GALNTL6: variants seen among roughly 807,000 people sequenced by gnomAD.
The protein encoded by GALNTL6 is polypeptide N-acetylgalactosaminyltransferase-like 6.
A neutral mutation model predicts 73.7 loss-of-function variants in GALNTL6; 46 were observed. The ratio of observed to expected loss-of-function variants is 0.62; its 90% CI spans 0.49 to 0.80. GALNTL6 has a LOEUF of 0.80. Ranked by LOEUF, GALNTL6 falls within the 30% of genes least tolerant of loss-of-function variation. The pLI, the probability that GALNTL6 is intolerant of heterozygous loss-of-function variation, is 0.00. For synonymous variants in GALNTL6, 259 were observed against 263.7 expected (o/e 0.98, Z 0.17); for missense variants, 604 against 755.0 (o/e 0.80, Z 2.34).
chr4:172,310,993 A>G (rs1046810308), intron 3 of GALNTL6, among the ~76,000 whole-genome samples: 17 of 152,128 alleles, frequency 1.1e-4, no homozygotes, highest in Non-Finnish European at 2.2e-4. Context: ...GAAATTATTA[A>G]TTCATAGTAA....
At chr4:172,886,103 G>A (rs557807603) in intron 8 of GALNTL6, among the ~76,000 whole-genome samples, 1 of 152,268 alleles carries the variant, frequency 6.6e-6, no homozygotes, top group East Asian at 1.9e-4. Context: ...TTTTGAAATA[G>A]TTTCAGTAGA....
At chr4:171,852,530 ATATAGCTTTCTT>A (rs1490551657) in intron 2 of GALNTL6, among the ~76,000 whole-genome samples, 2 of 151,456 alleles carry the variant, frequency 1.3e-5, no homozygotes, top group South Asian at 4.2e-4. Context: ...ATATATATAT[ATATAGCTTTCTT>A]TATATAGCTT....
rs556103362 is a variant in GALNTL6 at position 171,848,915 on chromosome 4, G to T, written c.138+34197G>T. 4.6e-5 allele frequency among the ~76,000 whole-genome samples: 7 copies of T among 151,960 alleles called. No homozygotes were observed. The South Asian group carries it at 8.3e-4, about 18-fold the overall frequency. ...AGTAGCACTTTTTAATTTGTGTCAAGAACTTTTCCCTTTTTTTTTTAATTT... is the reference window on the plus strand; with the variant it reads ...AGTAGCACTTTTTAATTTGTGTCAATAACTTTTCCCTTTTTTTTTTAATTT... On this transcript the variant is annotated intron_variant, in intron 2 of 12. Transcript: ENST00000506823.
chr4:172,901,839 G>A (rs1479517602), intron 8 of GALNTL6, among the ~76,000 whole-genome samples: 2 of 152,120 alleles, frequency 1.3e-5, no homozygotes, highest in East Asian at 1.9e-4. Flanking sequence ...CGTCTACCCT[G>A]TAGAATTTTC....
intron 3 of GALNTL6, among the ~76,000 whole-genome samples, chr4:172,295,176 C>T (rs764991175): frequency 2.6e-5 from 4 of 152,122 alleles, no homozygotes; most frequent in Non-Finnish European, 5.9e-5. Context: ...AATGCCAGCA[C>T]TTTGGGAGGC....
intron 5 of GALNTL6, among the ~76,000 whole-genome samples, chr4:172,489,447 AT>A (rs1733818812): frequency 6.6e-6 from 1 of 152,256 alleles, no homozygotes; most frequent in African/African-American, 2.4e-5. Flanking sequence ...TGTTATATAT[AT>A]TCTACATATA....
chr4:172,763,158 G>T (rs1361008224), intron 5 of GALNTL6, among the ~76,000 whole-genome samples: 1 of 151,294 alleles, frequency 6.6e-6, no homozygotes, highest in Non-Finnish European at 1.5e-5. Context: ...GTGTCTTACA[G>T]TCTAAAGACA....
intron 6 of GALNTL6, among the ~76,000 whole-genome samples, chr4:172,810,851 A>C (rs905508225): frequency 2.6e-5 from 4 of 152,136 alleles, no homozygotes; most frequent in Admixed American, 2.6e-4. Context: ...ACAGAATTTG[A>C]CCTATATGGT....
intron 4 of GALNTL6, among the ~76,000 whole-genome samples, chr4:172,327,198 G>T (rs528880681): frequency 2.0e-4 from 31 of 152,068 alleles, no homozygotes; most frequent in African/African-American, 7.2e-4. Flanking sequence ...CCATGTAATT[G>T]CATGGTTTTG....
At chr4:172,126,652 T>C (rs529729849) in intron 2 of GALNTL6, among the ~76,000 whole-genome samples, 1 of 152,090 alleles carries the variant, frequency 6.6e-6, no homozygotes, top group Non-Finnish European at 1.5e-5. Context: ...CCCTAGACCC[T>C]CGGAGTCCCT....
At chr4:172,336,270 G>GGTTTT (rs1741313275) in intron 4 of GALNTL6, among the ~76,000 whole-genome samples, 1 of 108,436 alleles carries the variant, frequency 9.2e-6, no homozygotes, top group Non-Finnish European at 1.7e-5. Flanking sequence ...GTATAGTTTT[G>GGTTTT]TTTTGTTTTT....
chr4:172,284,224 A>G (rs1221206238), intron 3 of GALNTL6, among the ~76,000 whole-genome samples: 2 of 152,220 alleles, frequency 1.3e-5, no homozygotes, highest in African/African-American at 2.4e-5. Flanking sequence ...TTTTACAACT[A>G]CCTTACCCTA....
In GALNTL6 at chr4:171,916,665, T is replaced by A. The variant is rs116032160; in HGVS notation, c.138+101947T>A. Among the ~76,000 whole-genome samples the A allele has an allele frequency of 8.6e-3, 1,308 of 152,236 alleles. 23 individuals carry two copies. Among genetic ancestry groups the A allele is most frequent in the African/African-American group, 0.029 (1,222 of 41,560 alleles). On this transcript the variant is annotated intron_variant, in intron 2 of 12. Transcript: ENST00000506823. ...AGTTAATCTATTCAGCGCTTCTTCA[T>A]ATGTATTTTGAATGCATTTCTATTT...
At chr4:172,707,696 G>T (rs964739268) in intron 5 of GALNTL6, among the ~76,000 whole-genome samples, 4 of 152,136 alleles carry the variant, frequency 2.6e-5, no homozygotes, top group African/African-American at 9.7e-5. Context: ...TAGAGAGGGA[G>T]ATTAGGCTCA....
chr4:172,019,285 C>T (rs979178830), intron 2 of GALNTL6, among the ~76,000 whole-genome samples: 4 of 151,978 alleles, frequency 2.6e-5, no homozygotes, highest in African/African-American at 9.7e-5. Context: ...TCCTGTATGT[C>T]CTCTTTTGAA....
chr4:172,638,351 G>A (rs1320164128), intron 5 of GALNTL6, among the ~76,000 whole-genome samples: 3 of 152,034 alleles, frequency 2.0e-5, no homozygotes, highest in Non-Finnish European at 4.4e-5. Context: ...ACATATCCCT[G>A]TGAACATATT....
intron 5 of GALNTL6, among the ~76,000 whole-genome samples, chr4:172,742,898 G>A (rs907755654): frequency 2.0e-5 from 3 of 151,982 alleles, no homozygotes; most frequent in African/African-American, 7.2e-5. Flanking sequence ...CGAGCTCGGG[G>A]TCACCTCCTT....
chr4:172,604,199 A>C (rs958354843), intron 5 of GALNTL6, among the ~76,000 whole-genome samples: 2 of 152,184 alleles, frequency 1.3e-5, no homozygotes, highest in African/African-American at 4.8e-5. Flanking sequence ...GATAGGATAC[A>C]TTTCTGTCAA....
chr4:172,508,285 G>T lies in GALNTL6; in HGVS notation c.553+159596G>T, dbSNP rs1190252076. On this transcript the variant is annotated intron_variant, in intron 5 of 12. Transcript: ENST00000506823. ...TAAAATTACTCCTAGCTACAAGCAT[G>T]ATTTCTACTGGTGAAGAAATGTTTT... Among the ~76,000 whole-genome samples, 4 of 55,170 alleles carry T rather than the reference G, an allele frequency of 7.3e-5. 2 individuals are homozygous for T. Among genetic ancestry groups the T allele is most frequent in the African/African-American group, 1.8e-4 (4 of 22,064 alleles). 36.2% of individuals were successfully genotyped at this position (55,170 alleles called of 152,430 possible). A position where few individuals can be genotyped will look rare whatever the true frequency, so the allele number is the denominator to read the frequency against.
Sources: allele counts gnomAD v4.1 joint callset (sites outside exome capture counted in the v4.1 genomes callset), GRCh38; gene constraint gnomAD v4.1.1; transcripts MANE v1.5; gene names NCBI Gene and HGNC (gene_info 2026-07-23, HGNC 2026-07-21).